Variants in RAVER2 observed in about 807,000 individuals in gnomAD.
RAVER2 encodes ribonucleoprotein, PTB binding 2.
A neutral mutation model predicts 78.1 loss-of-function variants in RAVER2; 46 were observed. That is an observed-to-expected ratio of 0.59 (90% CI 0.46 to 0.75). The LOEUF (loss-of-function observed/expected upper bound fraction) is 0.75. Ranked by LOEUF, RAVER2 falls within the 30% of genes least tolerant of loss-of-function variation. The pLI is 0.00. For synonymous variants in RAVER2, 311 were observed against 313.3 expected, an observed-to-expected ratio of 0.99 and a Z score of 0.08; for missense variants, 793 against 837.5, an observed-to-expected ratio of 0.95 and a Z score of 0.66.
chr1:64,774,295 GT>G (rs1169498430), intron 2 of RAVER2, among the ~76,000 whole-genome samples: 5 of 152,104 alleles, frequency 3.3e-5, no homozygotes, highest in African/African-American at 1.2e-4. Context: ...TTCTTCTAGG[GT>G]TTTTATGGTT....
intron 5 of RAVER2, among the ~76,000 whole-genome samples, chr1:64,790,511 G>T (rs1307821060): frequency 6.6e-6 from 1 of 152,184 alleles, no homozygotes; most frequent in Non-Finnish European, 1.5e-5. Flanking sequence ...CCAAAGAGAA[G>T]CTGCAAAGTG....
At chr1:64,793,312 A>G (rs960406318) in intron 5 of RAVER2, among the ~76,000 whole-genome samples, 5 of 152,178 alleles carry the variant, frequency 3.3e-5, no homozygotes, top group Non-Finnish European at 5.9e-5. Flanking sequence ...TTTATTGTCT[A>G]TTTCTACCAC....
exon 4 of RAVER2, chr1:64,781,512 T>G: frequency 1.2e-6 from 2 of 1,614,210 alleles, no homozygotes; most frequent in Non-Finnish European, 1.7e-6. Flanking sequence ...GGTTTCCTTC[T>G]GTGCTCCTGG....
intron 11 of RAVER2, among the ~76,000 whole-genome samples, chr1:64,826,570 G>A (rs778232863): frequency 2.0e-5 from 3 of 152,160 alleles, no homozygotes; most frequent in Non-Finnish European, 2.9e-5. Flanking sequence ...CAGTGGGGTC[G>A]GGGAGGCAGA....
intron 1 of RAVER2, among the ~76,000 whole-genome samples, chr1:64,763,352 T>C (rs1293069534): frequency 6.6e-6 from 1 of 151,962 alleles, no homozygotes; most frequent in Admixed American, 6.6e-5. Context: ...TAAAAATAGA[T>C]GAAAGATTAC....
chr1:64,781,449 G>A, exon 4 of RAVER2: 1 of 1,613,936 alleles, frequency 6.2e-7, no homozygotes, highest in South Asian at 1.1e-5. Context: ...GGAGCAGGCT[G>A]AAGAGGTCCA....
intron 5 of RAVER2, among the ~76,000 whole-genome samples, chr1:64,790,042 T>A (rs1346598013): frequency 6.6e-6 from 1 of 152,218 alleles, no homozygotes; most frequent in East Asian, 1.9e-4. Flanking sequence ...TCTACCTATT[T>A]AGTATTCTTT....
exon 12 of RAVER2, chr1:64,831,823 A>C (rs1413985365): frequency 6.6e-6 from 1 of 152,226 alleles, no homozygotes; most frequent in East Asian, 1.9e-4. Flanking sequence ...AGTGTCCATA[A>C]ATAAACTTTT....
In RAVER2 at chr1:64,777,906, A is replaced by G. The variant is rs370881226; in HGVS notation, c.600A>G (p.Arg200=). ...AAAAGGACTTTGCTGCAAAGGCTAG[A>G]CTGGAGCTATTGGGTAGACAGTTGG... The change falls in exon 3 of 12, where the codon AGA becomes AGG. Residue 200 remains arginine (R), a synonymous_variant. Coordinates refer to ENST00000294428, the Ensembl canonical transcript of RAVER2. The G allele has an allele frequency of 2.4e-5, 38 of 1,614,002 alleles. No individual in the cohort carries two copies. The African/African-American group carries it at 4.4e-4, about 19-fold the overall frequency.
At chr1:64,807,454 G>A in exon 9 of RAVER2, 6 of 1,613,964 alleles carry the variant, frequency 3.7e-6, no homozygotes, top group Non-Finnish European at 5.1e-6. Context: ...CCAGCCAAAA[G>A]GCACAGAGAT....
chr1:64,754,541 T>C (rs1054210860), intron 1 of RAVER2, among the ~76,000 whole-genome samples: 1 of 152,230 alleles, frequency 6.6e-6, no homozygotes, highest in Non-Finnish European at 1.5e-5. Flanking sequence ...CTGTTAGCTT[T>C]TTTGGCAGGG....
chr1:64,761,060 G>C (rs1652006063), intron 1 of RAVER2, among the ~76,000 whole-genome samples: 1 of 152,104 alleles, frequency 6.6e-6, no homozygotes, highest in Non-Finnish European at 1.5e-5. Context: ...AATTCTTAAG[G>C]TTGTTAGGAT....
At chr1:64,782,402 TTGAA>T (rs1189453940) in intron 4 of RAVER2, among the ~76,000 whole-genome samples, 4 of 152,178 alleles carry the variant, frequency 2.6e-5, no homozygotes, top group African/African-American at 7.2e-5. Flanking sequence ...TATTTGTTAA[TTGAA>T]TGAAGGAATA....
rs189601145 is a variant in RAVER2 at position 64,797,668 on chromosome 1, A to G, written c.1106-5308A>G. Among the ~76,000 whole-genome samples, 470 of 152,308 alleles carry G rather than the reference A, an allele frequency of 3.1e-3. 11 individuals carry two copies. Among genetic ancestry groups the G allele is most frequent in the East Asian group, 4.0e-3 (21 of 5,186 alleles). Reference sequence around the variant, plus strand: ...TAATTGGCCCATTTATCATTACAAAATGGTGATCTTTATCCCTGGTAATAT... The same window carrying G: ...TAATTGGCCCATTTATCATTACAAAGTGGTGATCTTTATCCCTGGTAATAT... On this transcript the variant is annotated intron_variant, in intron 5 of 11. Transcript: ENST00000294428.
intron 1 of RAVER2, among the ~76,000 whole-genome samples, chr1:64,755,601 A>G (rs1031496446): frequency 6.6e-6 from 1 of 151,294 alleles, no homozygotes; most frequent in Non-Finnish European, 1.5e-5. Flanking sequence ...TGCAGTGATT[A>G]TCTGCTCTTA....
intron 5 of RAVER2, among the ~76,000 whole-genome samples, chr1:64,792,819 A>C (rs1283799198): frequency 6.6e-6 from 1 of 152,166 alleles, no homozygotes. Flanking sequence ...TTCTTTTACT[A>C]TGTCCTTTAC....
intron 1 of RAVER2, among the ~76,000 whole-genome samples, chr1:64,748,279 C>T (rs1250188444): frequency 1.3e-5 from 2 of 152,220 alleles, no homozygotes; most frequent in Non-Finnish European, 2.9e-5. Flanking sequence ...TTTTCACAGC[C>T]TCAGCTCTGG....
chr1:64,805,614 CAG>C (rs1358386915), intron 8 of RAVER2, among the ~76,000 whole-genome samples: 1 of 152,070 alleles, frequency 6.6e-6, no homozygotes, highest in Non-Finnish European at 1.5e-5. Flanking sequence ...GGCAGGAAAA[CAG>C]AAGCATGGTG....
chr1:64,796,259 T>C (rs1005189410), intron 5 of RAVER2, among the ~76,000 whole-genome samples: 55 of 152,158 alleles, frequency 3.6e-4, no homozygotes, highest in African/African-American at 1.3e-3. Flanking sequence ...TCCCTTGTAA[T>C]ATATTTTCTG....
Sources: allele counts gnomAD v4.1 joint callset (sites outside exome capture counted in the v4.1 genomes callset), GRCh38; gene constraint gnomAD v4.1.1; transcripts MANE v1.5; gene names NCBI Gene and HGNC (gene_info 2026-07-23, HGNC 2026-07-21).